The following PRKD1 variants were observed in gnomAD, a reference collection of about 807,000 sequenced individuals.
PRKD1 encodes protein kinase D1.
PRKD1 carries 63 observed loss-of-function variants against 95.9 expected under a neutral mutation model. The ratio of observed to expected loss-of-function variants is 0.66; its 90% CI spans 0.54 to 0.81. The LOEUF (loss-of-function observed/expected upper bound fraction) is 0.81. PRKD1 is among the 30% of genes least tolerant of loss of function. The probability of loss-of-function intolerance (pLI) is 0.00; values close to 1 mark genes in which losing one functional copy is unlikely to be tolerated. For missense variants in PRKD1, 1,048 were observed against 1,165.3 expected (o/e 0.90, Z 1.47); for synonymous variants, 425 against 423.1 (o/e 1.00, Z -0.05).
chr14:29,794,748 G>A (rs1440432287), intron 1 of PRKD1, among the ~76,000 whole-genome samples: 2 of 151,722 alleles, frequency 1.3e-5, no homozygotes, highest in African/African-American at 4.8e-5. Flanking sequence ...TGGTGACTAA[G>A]TCTTCGCTGC....
rs550417524 is a variant in PRKD1, at chr14:29,873,715, C to G, written c.264+53534G>C. Among the ~76,000 whole-genome samples the G allele has an allele frequency of 3.3e-5, 5 of 151,770 alleles. No individual in the cohort carries two copies. In the South Asian group the frequency reaches 1.0e-3, roughly 32 times the overall value. ...TACACAAGTTGGGGGGCACCCATCC[C>G]AGAAATGGGCAAGAAAAAACACTGT... On this transcript the variant is annotated intron_variant, in intron 1 of 17. Transcript: ENST00000331968.
rs142841325 is a variant in PRKD1 at position 29,713,535 on chromosome 14, A to G, written c.403+12001T>C. The stretch of plus-strand genomic sequence containing the variant: ...AACTGAATGTTGTCTTTTCTAACTT[A>G]GACAACATCCATTGTCAGTTACTGA... On this transcript the variant is annotated intron_variant, in intron 2 of 17. Transcript: ENST00000331968. Among the ~76,000 whole-genome samples the G allele has an allele frequency of 2.0e-3, 307 of 152,310 alleles. 1 individual carries two copies. Among genetic ancestry groups the G allele is most frequent in the African/African-American group, 7.0e-3 (290 of 41,580 alleles).
At chr14:29,914,271 C>T (rs10134366) in intron 1 of PRKD1, among the ~76,000 whole-genome samples, 3,616 of 152,270 alleles carry the variant, frequency 0.024, 154 homozygotes, top group African/African-American at 0.083. Flanking sequence ...TCAATTCAAC[C>T]GCTGAAGTGG....
At chr14:29,840,262 G>A (rs918439884) in intron 1 of PRKD1, among the ~76,000 whole-genome samples, 1 of 152,158 alleles carries the variant, frequency 6.6e-6, no homozygotes, top group African/African-American at 2.4e-5. Context: ...CTCCAGGGCA[G>A]GGCAAAATGC....
At chr14:29,890,074 A>T (rs546403239) in intron 1 of PRKD1, among the ~76,000 whole-genome samples, 76 of 152,320 alleles carry the variant, frequency 5.0e-4, no homozygotes, top group African/African-American at 1.7e-3. Context: ...CATTTCTGAA[A>T]TCCCTAGATT....
intron 1 of PRKD1, among the ~76,000 whole-genome samples, chr14:29,762,352 C>A (rs1888035212): frequency 6.6e-6 from 1 of 152,128 alleles, no homozygotes. Context: ...ACTCCAGCCA[C>A]CACTCTGCAT....
Position 29,927,263 on chromosome 14 carries a change from T to A in PRKD1, c.250A>T (p.Ile84Phe). ...LAHVREMACSIVDQKFPECGF... is the reference protein window; with the variant it reads ...LAHVREMACSFVDQKFPECGF... ...CGGCGACTTACCTTCTGGTCGACAATGGAGCAAGCCATCTCGCGGACGTGC... is the reference window on the plus strand; with the variant it reads ...CGGCGACTTACCTTCTGGTCGACAAAGGAGCAAGCCATCTCGCGGACGTGC... The change falls in exon 1 of 18, where the codon ATT (isoleucine) becomes TTT (phenylalanine). Residue 84 changes from isoleucine to phenylalanine, a missense_variant. Physicochemically the swap from Ile to Phe is conservative, Grantham distance 21. Around this residue, in one of 3 missense-constraint regions of PRKD1, gnomAD observed 275 missense variants for 248.6 expected, o/e 1.11. Coordinates refer to ENST00000331968, the MANE Select transcript of PRKD1 (RefSeq NM_002742.3). The A allele has an allele frequency of 2.6e-6, 4 of 1,515,294 alleles. No homozygotes were observed. The highest frequency in any genetic ancestry group is 3.5e-6 in the Non-Finnish European group (4 of 1,132,500). 93.9% of individuals were successfully genotyped at this position (1,515,294 alleles called of 1,614,324 possible).
chr14:29,716,057 T>C (rs1885592531), intron 2 of PRKD1, among the ~76,000 whole-genome samples: 2 of 152,092 alleles, frequency 1.3e-5, no homozygotes, highest in South Asian at 4.1e-4. Flanking sequence ...AAGAAGCAAA[T>C]ATAAGGAATT....
At chr14:29,738,890 G>A (rs1426502318) in intron 1 of PRKD1, among the ~76,000 whole-genome samples, 8 of 148,200 alleles carry the variant, frequency 5.4e-5, no homozygotes, top group Admixed American at 3.4e-4. Context: ...GTGCAGTGAT[G>A]CCGCAATCTT....
At chr14:29,817,148 T>C (rs1890725117) in intron 1 of PRKD1, among the ~76,000 whole-genome samples, 3 of 152,352 alleles carry the variant, frequency 2.0e-5, no homozygotes, top group Admixed American at 6.5e-5. Context: ...ATCTGATATC[T>C]GTGAAATTTT....
At chr14:29,675,796 A>G (rs571248566) in intron 2 of PRKD1, among the ~76,000 whole-genome samples, 239 of 152,176 alleles carry the variant, frequency 1.6e-3, no homozygotes, top group South Asian at 2.3e-3. Flanking sequence ...ATACTATGCC[A>G]CCATAAAAAA....
At chr14:29,872,671 AG>A (rs370958176) in intron 1 of PRKD1, among the ~76,000 whole-genome samples, 4 of 151,302 alleles carry the variant, frequency 2.6e-5, no homozygotes, top group African/African-American at 4.9e-5. Context: ...AAAAAAAAAA[AG>A]AAAAAAAAAA....
intron 13 of PRKD1, among the ~76,000 whole-genome samples, chr14:29,601,485 CATT>C (rs1373448020): frequency 6.6e-6 from 1 of 152,202 alleles, no homozygotes; most frequent in Non-Finnish European, 1.5e-5. Flanking sequence ...GGGCTAGAGT[CATT>C]GTTCTTCAAA....
chr14:29,873,946 A>G (rs907142189), intron 1 of PRKD1, among the ~76,000 whole-genome samples: 4 of 152,212 alleles, frequency 2.6e-5, no homozygotes, highest in African/African-American at 9.6e-5. Context: ...TAAACACTAT[A>G]TAAAATGAAA....
At chr14:29,740,684 G>A (rs1415377207) in intron 1 of PRKD1, among the ~76,000 whole-genome samples, 1 of 152,164 alleles carries the variant, frequency 6.6e-6, no homozygotes, top group African/African-American at 2.4e-5. Flanking sequence ...ATGATTTAAT[G>A]AGCTTTGTAG....
chr14:29,631,073 T>A, intron 9 of PRKD1, 52 bp from the exon 10 acceptor site: 5 of 1,479,550 alleles, frequency 3.4e-6, no homozygotes, highest in Non-Finnish European at 4.6e-6. Context: ...ATGTAAACTT[T>A]CAAAGAAAAT....
chr14:29,813,946 A>T (rs1233638967), intron 1 of PRKD1, among the ~76,000 whole-genome samples: 2 of 152,230 alleles, frequency 1.3e-5, no homozygotes, highest in African/African-American at 2.4e-5. Context: ...CTCTGGGTAA[A>T]CATTGGGCTG....
rs1024310455 is a variant in PRKD1, at chr14:29,708,811, A to C, written c.403+16725T>G. 1.3e-3 allele frequency among the ~76,000 whole-genome samples: 197 copies of C among 152,222 alleles called. 1 individual carries two copies. Among genetic ancestry groups the C allele is most frequent in the African/African-American group, 4.2e-3 (173 of 41,528 alleles). Reference sequence around the variant, plus strand: ...CCAGGAGGTAGAGGCTACAGTGAGCAATGTTCACACCACTGCACTCCAACC... The same window carrying C: ...CCAGGAGGTAGAGGCTACAGTGAGCCATGTTCACACCACTGCACTCCAACC... On this transcript the variant is annotated intron_variant, in intron 2 of 17. Coordinates refer to ENST00000331968, the MANE Select transcript of PRKD1 (RefSeq NM_002742.3).
intron 1 of PRKD1, among the ~76,000 whole-genome samples, chr14:29,802,301 T>C (rs145008021): frequency 2.2e-4 from 33 of 152,136 alleles, no homozygotes; most frequent in African/African-American, 5.8e-4. Context: ...ATAATACAAA[T>C]AGATTAAGAA....
Sources: gnomAD v4.1 joint callset for allele counts (sites outside exome capture counted in the v4.1 genomes callset) on GRCh38, gnomAD v4.1.1 for gene constraint, gnomAD v4.1.1 regional missense constraint, MANE v1.5 for transcripts, NCBI Gene and HGNC (gene_info 2026-07-23, HGNC 2026-07-21) for gene names.